SQOR: variants seen among roughly 807,000 people sequenced by gnomAD.
SQOR encodes sulfide:quinone oxidoreductase, mitochondrial.
In SQOR, 39 loss-of-function variants were observed where a neutral mutation model predicts 48.6. The ratio of observed to expected loss-of-function variants is 0.80; its 90% confidence interval spans 0.62 to 1.05. The LOEUF (loss-of-function observed/expected upper bound fraction) is 1.05, where lower values mean the gene tolerates loss of function less well. SQOR is among the 50% of genes least tolerant of loss of function. The pLI is 0.00. For synonymous variants in SQOR, 220 were observed against 206.2 expected (o/e 1.07, Z -0.57); for missense variants, 561 against 559.9 (o/e 1.00, Z -0.02).
chr15:45,661,383 G>A (rs1424091673), intron 2 of SQOR, among the ~76,000 whole-genome samples: 1 of 151,500 alleles, frequency 6.6e-6, no homozygotes, highest in African/African-American at 2.4e-5. Context: ...TGTGGAGTAG[G>A]ATCTGGTACT....
chr15:45,687,360 C>T (rs1172080097), intron 7 of SQOR, among the ~76,000 whole-genome samples: 1 of 152,238 alleles, frequency 6.6e-6, no homozygotes, highest in African/African-American at 2.4e-5. Context: ...GATCCACTTT[C>T]CTCGGCCTCC....
At chr15:45,642,233 C>T (rs1196552466) in intron 1 of SQOR, among the ~76,000 whole-genome samples, 1 of 152,192 alleles carries the variant, frequency 6.6e-6, no homozygotes, top group Non-Finnish European at 1.5e-5. Flanking sequence ...CTGAAATGCA[C>T]ACCAGGGCTG....
At chr15:45,632,213 C>A (rs953566373), upstream of SQOR, among the ~76,000 whole-genome samples, 1 of 143,860 alleles carries the variant, frequency 7.0e-6, no homozygotes, top group Non-Finnish European at 1.5e-5. Context: ...TCCCTCCCTC[C>A]CTCCCTCCTT....
At chr15:45,657,848 G>T (rs570916335) in intron 1 of SQOR, among the ~76,000 whole-genome samples, 3 of 152,088 alleles carry the variant, frequency 2.0e-5, no homozygotes, top group African/African-American at 7.2e-5. Flanking sequence ...TTTAATAAAG[G>T]GTTCTTGGAG....
At chr15:45,634,941 A>C (rs906002950), upstream of SQOR, 12 of 152,472 alleles carry the variant, frequency 7.9e-5, no homozygotes, top group African/African-American at 2.9e-4. Flanking sequence ...CGGGCGGGGC[A>C]CGGCGGGACT....
Position 45,673,630 on chromosome 15 carries a change from C to T in SQOR, c.483C>T (p.Phe161=), listed in dbSNP as rs142463548. ...AGATTAAAGGCCTACCTGAAGGTTT[C>T]GCTCATCCCAAAATAGGGTCGAATT... The part of the protein sequence containing the change: ...YEKIKGLPEG[F]AHPKIGSNYS... Residue 161 remains phenylalanine, a synonymous_variant, in exon 5 of 10, where the codon TTC becomes TTT. Coordinates refer to ENST00000260324, the MANE Select transcript of SQOR (RefSeq NM_021199.4). 2.6e-4 allele frequency: 427 copies of T among 1,613,934 alleles called. 5 individuals are homozygous for T. The South Asian group carries it at 4.3e-3, about 16-fold the overall frequency.
intron 3 of SQOR, among the ~76,000 whole-genome samples, chr15:45,662,835 T>C (rs1889746362): frequency 6.6e-6 from 1 of 152,208 alleles, no homozygotes; most frequent in Non-Finnish European, 1.5e-5. Flanking sequence ...GCAGCCACCG[T>C]GCTCTGACCT....
At chr15:45,682,718 A>G in intron 7 of SQOR, 57 bp downstream of exon 7, 1 of 1,582,046 alleles carries the variant, frequency 6.3e-7, no homozygotes, top group Admixed American at 1.7e-5. Flanking sequence ...TCAAGGCATG[A>G]TTGTAACAAA....
At chr15:45,659,247 C>A in intron 2 of SQOR, 90 bp downstream of exon 2, 1 of 1,136,466 alleles carries the variant, frequency 8.8e-7, no homozygotes, top group Non-Finnish European at 1.2e-6. Flanking sequence ...TTGGATATGA[C>A]TATCAAGCAA....
At chr15:45,660,583 A>G (rs1889701145) in intron 2 of SQOR, among the ~76,000 whole-genome samples, 1 of 152,188 alleles carries the variant, frequency 6.6e-6, no homozygotes, top group African/African-American at 2.4e-5. Flanking sequence ...GAATTTCTGG[A>G]AGGAGCTGCC....
At chr15:45,646,009 G>A (rs1222060975) in intron 1 of SQOR, 1 of 152,170 alleles carries the variant, frequency 6.6e-6, no homozygotes, top group African/African-American at 2.4e-5. Flanking sequence ...AAGGATACAG[G>A]TATTTGTTGT....
chr15:45,639,187 T>G (rs1895064278), intron 1 of SQOR, among the ~76,000 whole-genome samples: 1 of 152,238 alleles, frequency 6.6e-6, no homozygotes, highest in African/African-American at 2.4e-5. Context: ...CCATGTACTT[T>G]CCTTCTACAG....
intron 3 of SQOR, among the ~76,000 whole-genome samples, chr15:45,664,763 T>C (rs1395254542): frequency 6.6e-6 from 1 of 152,156 alleles, no homozygotes; most frequent in Non-Finnish European, 1.5e-5. Context: ...TGAAAAAGTA[T>C]AGTTGTTATT....
intron 4 of SQOR, among the ~76,000 whole-genome samples, chr15:45,671,423 G>A (rs1889940393): frequency 6.6e-6 from 1 of 152,140 alleles, no homozygotes; most frequent in Non-Finnish European, 1.5e-5. Context: ...CTCTCAAAGT[G>A]CTGGGATTAC....
intron 8 of SQOR, 63 bp downstream of exon 8, chr15:45,688,467 G>A: frequency 8.3e-7 from 1 of 1,204,364 alleles, no homozygotes; most frequent in Non-Finnish European, 1.2e-6. Flanking sequence ...TAAAAGTAGT[G>A]TTTTCCCACA....
intron 9 of SQOR, 187 bp downstream of exon 9, chr15:45,689,404 A>C: frequency 4.3e-6 from 2 of 468,582 alleles, no homozygotes; most frequent in South Asian, 3.7e-5. Flanking sequence ...GTACTCTATC[A>C]TCTGCTACCT....
chr15:45,690,391 G>A (rs1890301821), intron 9 of SQOR, among the ~76,000 whole-genome samples: 1 of 152,150 alleles, frequency 6.6e-6, no homozygotes. Context: ...AAAAGCTGAT[G>A]ACCTCCTTTG....
intron 9 of SQOR, among the ~76,000 whole-genome samples, chr15:45,690,280 G>T (rs1249755940): frequency 6.6e-6 from 1 of 151,954 alleles, no homozygotes; most frequent in African/African-American, 2.4e-5. Context: ...TGGCCAGGCT[G>T]GTCTCAAACT....
At chr15:45,673,120 C>G (rs1182624862) in intron 4 of SQOR, among the ~76,000 whole-genome samples, 2 of 152,204 alleles carry the variant, frequency 1.3e-5, no homozygotes, top group Admixed American at 6.5e-5. Context: ...AGAGCCAGGA[C>G]TCAAACTGGT....
Sources: allele counts gnomAD v4.1 joint callset (sites outside exome capture counted in the v4.1 genomes callset), GRCh38; gene constraint gnomAD v4.1.1; transcripts MANE v1.5; gene names NCBI Gene and HGNC (gene_info 2026-07-23, HGNC 2026-07-21).